The following OR51E1 variants were observed in gnomAD, a reference collection of about 807,000 sequenced individuals.
The protein encoded by OR51E1 is olfactory receptor family 51 subfamily E member 1, also known as olfactory receptor 51E1.
A neutral mutation model predicts 11.5 loss-of-function variants in OR51E1; 9 were observed. The observed-to-expected ratio is 0.78, with a 90% CI of 0.47 to 1.37. The LOEUF (loss-of-function observed/expected upper bound fraction) is 1.37, where lower values mean the gene tolerates loss of function less well. Ranked by LOEUF, OR51E1 falls within the 40% of genes most tolerant of loss-of-function variation. The pLI is 0.00. For missense variants in OR51E1, 397 were observed against 410.2 expected, an observed-to-expected ratio of 0.97 and a Z score of 0.28; for synonymous variants, 168 against 158.3, an observed-to-expected ratio of 1.06 and a Z score of -0.46.
Position 4,652,941 on chromosome 11 carries a change from C to T in OR51E1, c.415C>T (p.Leu139Phe). Residue 139 changes from leucine (L) to phenylalanine (F), a missense_variant, in exon 2 of 2, where the codon CTT becomes TTT. Transcript: ENST00000396952. ...TCACCCACTGCGCCATGCCACAGTA[C>T]TTACGTTGCCTCGTGTCACCAAAAT... Reference protein sequence around the residue: ...ICHPLRHATVLTLPRVTKIGV... With the variant: ...ICHPLRHATVFTLPRVTKIGV... The T allele has an allele frequency of 1.2e-6, 2 of 1,607,668 alleles. No homozygotes were observed. Among genetic ancestry groups the T allele is most frequent in the East Asian group, 2.2e-5 (1 of 44,820 alleles).
In OR51E1 at chr11:4,653,261, T is replaced by C; in HGVS notation, c.735T>C (p.Ser245=). The stretch of plus-strand genomic sequence containing the variant: ...CCAAGGCATTTGGCACTTGCGTCTC[T>C]CATGTGTGTGCTGTGTTCATATTCT... ...AQAKAFGTCV[S]HVCAVFIFYV... is the part of the protein sequence containing the mutation. The change falls in exon 2 of 2, where the codon TCT becomes TCC. Residue 245 remains serine, a synonymous_variant. Coordinates refer to ENST00000396952, the MANE Select transcript of OR51E1 (RefSeq NM_152430.4). 1.9e-6 allele frequency: 3 copies of C among 1,614,170 alleles called. No individual in the cohort carries two copies. Among genetic ancestry groups the C allele is most frequent in the South Asian group, 1.1e-5 (1 of 91,078 alleles).
intron 1 of OR51E1, among the ~76,000 whole-genome samples, chr11:4,645,257 A>G (rs551468668): frequency 6.6e-6 from 1 of 152,068 alleles, no homozygotes; most frequent in South Asian, 2.1e-4. Context: ...TTTGACACTC[A>G]ATATGTTTTT....
At chr11:4,648,185 G>A (rs1203593129) in intron 1 of OR51E1, among the ~76,000 whole-genome samples, 1 of 152,158 alleles carries the variant, frequency 6.6e-6, no homozygotes, top group Non-Finnish European at 1.5e-5. Flanking sequence ...TACTGCCTAG[G>A]CACCTCCTTC....
intron 1 of OR51E1, among the ~76,000 whole-genome samples, chr11:4,651,313 C>G (rs1589862085): frequency 6.6e-6 from 1 of 152,140 alleles, no homozygotes; most frequent in East Asian, 1.9e-4. Flanking sequence ...GGGTTCTTGT[C>G]CAAATGACAT....
At position 4,653,269 on chromosome 11, in the gene OR51E1, GT is replaced by G; in HGVS notation, c.744del (p.Cys248TrpfsTer49). 1.2e-6 allele frequency: 2 copies of G among 1,614,136 alleles called. No homozygotes were observed. The highest frequency in any genetic ancestry group is 2.2e-5 in the South Asian group (2 of 91,082). ...KAFGTCVSHV[C>X]AVFIFYVPFI... is the part of the protein sequence containing the mutation. The stretch of plus-strand genomic sequence containing the variant: ...TTTGGCACTTGCGTCTCTCATGTGT[GT>G]GCTGTGTTCATATTCTATGTACCTT... On this transcript the variant is annotated frameshift_variant, in exon 2 of 2. Coordinates refer to ENST00000396952, the MANE Select transcript of OR51E1 (RefSeq NM_152430.4). LOFTEE classifies it high-confidence loss of function.
Position 4,653,446 on chromosome 11 carries a change from G to C in OR51E1, c.920G>C (p.Arg307Pro). 6.2e-7 allele frequency: 1 copy of C among 1,613,574 alleles called. No individual in the cohort carries two copies. The highest frequency in any genetic ancestry group is 8.5e-7 in the Non-Finnish European group (1 of 1,179,592). ...KTKEIRQRIL[R>P]LFHVATHASE... ...AAGGAGATTCGACAGCGCATCCTTC[G>C]ACTTTTCCATGTGGCCACACACGCT... Residue 307 changes from arginine to proline, a missense_variant, in exon 2 of 2, where the codon CGA becomes CCA. Transcript: ENST00000396952.
rs1847131481 is a variant in OR51E1 at position 4,653,461 on chromosome 11, CCA to C, written c.941_942del (p.His314ArgfsTer19). ...CGCATCCTTCGACTTTTCCATGTGG[CCA>C]CACACGCTTCAGAGCCCTAGGTGTC... On this transcript the variant is annotated frameshift_variant, in exon 2 of 2. Coordinates refer to ENST00000396952, the MANE Select transcript of OR51E1 (RefSeq NM_152430.4). LOFTEE classifies it high-confidence loss of function. The C allele has an allele frequency of 2.5e-6, 4 of 1,609,868 alleles. No individual in the cohort carries two copies. Among genetic ancestry groups the C allele is most frequent in the Non-Finnish European group, 3.4e-6 (4 of 1,176,368 alleles).
Position 4,652,548 on chromosome 11 carries a change from A to G in OR51E1, c.22A>G (p.Asn8Asp). Reference sequence around the variant, plus strand: ...CTTCATGATGGTGGATCCCAATGGCAATGAATCCAGTGCTACATACTTCAT... The same window carrying G: ...CTTCATGATGGTGGATCCCAATGGCGATGAATCCAGTGCTACATACTTCAT... Reference protein sequence around the residue: MMVDPNGNESSATYFILI... With the variant: MMVDPNGDESSATYFILI... Residue 8 changes from asparagine (N) to aspartate (D), a missense_variant, in exon 2 of 2, where the codon AAT becomes GAT. Asn to Asp is a conservative substitution (Grantham distance 23). Transcript: ENST00000396952. 6.2e-7 allele frequency: 1 copy of G among 1,612,848 alleles called. No homozygotes were observed.
chr11:4,653,344 C>T lies in OR51E1; in HGVS notation c.818C>T (p.Pro273Leu), dbSNP rs139516303. ...CGCTTTAGCAAGCGGCGTGACTCTCCGCTGCCCGTCATCTTGGCCAATATC... is the reference window on the plus strand; with the variant it reads ...CGCTTTAGCAAGCGGCGTGACTCTCTGCTGCCCGTCATCTTGGCCAATATC... Reference protein sequence around the residue: ...VHRFSKRRDSPLPVILANIYL... With the variant: ...VHRFSKRRDSLLPVILANIYL... The change falls in exon 2 of 2, where the codon CCG becomes CTG. Residue 273 changes from proline to leucine, a missense_variant. Coordinates refer to ENST00000396952, the MANE Select transcript of OR51E1 (RefSeq NM_152430.4). 480 of 1,613,872 alleles carry T rather than the reference C, an allele frequency of 3.0e-4. 3 individuals carry two copies. Among genetic ancestry groups the T allele is most frequent in the South Asian group, 2.0e-3 (182 of 91,082 alleles).
chr11:4,652,997 A>C lies in OR51E1; in HGVS notation c.471A>C (p.Ala157=), dbSNP rs1847120293. The C allele has an allele frequency of 6.2e-7, 1 of 1,605,296 alleles. No individual in the cohort carries two copies. The highest frequency in any genetic ancestry group is 1.3e-5 in the African/African-American group (1 of 74,866). The part of the protein sequence containing the change: ...IGVAAVVRGA[A]LMAPLPVFIK... ...TGGCTGCTGTGGTGCGGGGGGCTGCACTGATGGCACCCCTTCCTGTCTTCA... is the reference window on the plus strand; with the variant it reads ...TGGCTGCTGTGGTGCGGGGGGCTGCCCTGATGGCACCCCTTCCTGTCTTCA... The change falls in exon 2 of 2, where the codon GCA becomes GCC. Residue 157 remains alanine, a synonymous_variant. Transcript: ENST00000396952.
chr11:4,648,147 T>A lies in OR51E1; in HGVS notation c.-40+4117T>A, dbSNP rs142699878. ...GTCTTCTGGGGTCCAGGCTGATATT[T>A]TAGCCCCAGCGATAGCTGCCCATTT... On this transcript the variant is annotated intron_variant, in intron 1 of 1. Transcript: ENST00000396952. Among the ~76,000 whole-genome samples, 4 of 152,346 alleles carry A rather than the reference T, an allele frequency of 2.6e-5. No individual in the cohort carries two copies. The South Asian group carries it at 6.2e-4, about 24-fold the overall frequency.
intron 1 of OR51E1, 50 bp downstream of exon 1, chr11:4,644,080 C>G (rs1447991486): frequency 6.5e-6 from 1 of 152,904 alleles, no homozygotes; most frequent in Non-Finnish European, 1.5e-5. Flanking sequence ...TTACTTGCAG[C>G]TAGGGGTCTC....
chr11:4,655,350 A>G lies in OR51E1; in HGVS notation c.*1867A>G, dbSNP rs999972308. The stretch of plus-strand genomic sequence containing the variant: ...TGACTTGGGAAGCTATGTGTTACAC[A>G]GAGTAAATCACCAGAAGCCTGGATT... On this transcript the variant is annotated 3_prime_UTR_variant, in exon 2 of 2. Coordinates refer to ENST00000396952, the MANE Select transcript of OR51E1 (RefSeq NM_152430.4). 5.4e-5 allele frequency: 9 copies of G among 167,236 alleles called. No homozygotes were observed. Among genetic ancestry groups the G allele is most frequent in the African/African-American group, 2.2e-4 (9 of 41,582 alleles). The allele number at this position is 167,236 out of a possible 1,614,324, so 10.4% of individuals were successfully genotyped here. A position where few individuals can be genotyped will look rare whatever the true frequency, so the allele number is the denominator to read the frequency against.
At position 4,652,982 on chromosome 11, in the gene OR51E1, G is replaced by A. The variant is rs776792841; in HGVS notation, c.456G>A (p.Val152=). The change falls in exon 2 of 2, where the codon GTG becomes GTA. Residue 152 remains valine (V), a synonymous_variant. Coordinates refer to ENST00000396952, the MANE Select transcript of OR51E1 (RefSeq NM_152430.4). The part of the protein sequence containing the change: ...PRVTKIGVAA[V]VRGAALMAPL... ...TCACCAAAATTGGTGTGGCTGCTGT[G>A]GTGCGGGGGGCTGCACTGATGGCAC... 1 of 1,604,466 alleles carries A rather than the reference G, an allele frequency of 6.2e-7. No individual in the cohort carries two copies. Among genetic ancestry groups the A allele is most frequent in the Non-Finnish European group, 8.5e-7 (1 of 1,174,818 alleles).
chr11:4,646,145 C>T (rs1191591288), intron 1 of OR51E1, among the ~76,000 whole-genome samples: 2 of 152,192 alleles, frequency 1.3e-5, no homozygotes, highest in African/African-American at 4.8e-5. Flanking sequence ...TATGTCTGGG[C>T]TTCTCTCCAG....
rs1343275383 is a variant in OR51E1, at chr11:4,649,078, A to T, written c.-39-3410A>T. On this transcript the variant is annotated intron_variant, in intron 1 of 1. Transcript: ENST00000396952. ...TGTATACTAAGAGACTCTCCTGTTGATAAAACTCATTTTCATCTTCCAAAA... is the reference window on the plus strand; with the variant it reads ...TGTATACTAAGAGACTCTCCTGTTGTTAAAACTCATTTTCATCTTCCAAAA... 1.2e-4 allele frequency among the ~76,000 whole-genome samples: 19 copies of T among 152,308 alleles called. No individual in the cohort carries two copies. The South Asian group carries it at 3.7e-3, about 30-fold the overall frequency.
rs748958554 is a variant in OR51E1 at position 4,652,582 on chromosome 11, G to A, written c.56G>A (p.Gly19Asp). The change falls in exon 2 of 2, where the codon GGC becomes GAC. Residue 19 changes from glycine (G) to aspartate (D), a missense_variant. Transcript: ENST00000396952. ...ESSATYFILI[G>D]LPGLEEAQFW... The stretch of plus-strand genomic sequence containing the variant: ...AGTGCTACATACTTCATCCTAATAG[G>A]CCTCCCTGGTTTAGAAGAGGCTCAG... 6.2e-7 allele frequency: 1 copy of A among 1,614,056 alleles called. No individual in the cohort carries two copies. Among genetic ancestry groups the A allele is most frequent in the Non-Finnish European group, 8.5e-7 (1 of 1,180,012 alleles).
chr11:4,644,346 G>T (rs1257393217), intron 1 of OR51E1, among the ~76,000 whole-genome samples: 1 of 152,128 alleles, frequency 6.6e-6, no homozygotes, highest in African/African-American at 2.4e-5. Context: ...AGGACAGGCT[G>T]GGCTGGGGTT....
At position 4,653,340 on chromosome 11, in the gene OR51E1, T is replaced by C. The variant is rs543012488; in HGVS notation, c.814T>C (p.Ser272Pro). 1.2e-6 allele frequency: 2 copies of C among 1,613,936 alleles called. No homozygotes were observed. The highest frequency in any genetic ancestry group is 1.7e-5 in the Admixed American group (1 of 60,022). Residue 272 changes from serine to proline, a missense_variant, in exon 2 of 2, where the codon TCT (serine) becomes CCT (proline). Transcript: ENST00000396952. ...MVHRFSKRRDSPLPVILANIY... is the reference protein window; with the variant it reads ...MVHRFSKRRDPPLPVILANIY... The stretch of plus-strand genomic sequence containing the variant: ...GCATCGCTTTAGCAAGCGGCGTGAC[T>C]CTCCGCTGCCCGTCATCTTGGCCAA...
Sources: gnomAD v4.1 joint callset for allele counts (sites outside exome capture counted in the v4.1 genomes callset) on GRCh38, gnomAD v4.1.1 for gene constraint, MANE v1.5 for transcripts, NCBI Gene and HGNC (gene_info 2026-07-23, HGNC 2026-07-21) for gene names.